The following MCPH1 variants were observed in gnomAD, a reference collection of about 807,000 sequenced individuals.
MCPH1 encodes microcephalin 1.
A neutral mutation model predicts 84.5 loss-of-function variants in MCPH1; 104 were observed. The ratio of observed to expected loss-of-function variants is 1.23; its 90% CI spans 1.05 to 1.45. The LOEUF is 1.45. Ranked by LOEUF, MCPH1 falls within the 40% of genes most tolerant of loss-of-function variation. The pLI, the probability that MCPH1 is intolerant of heterozygous loss-of-function variation, is 0.00. For synonymous variants in MCPH1, 514 were observed against 366.8 expected (o/e 1.40, Z -4.58); for missense variants, 1,498 against 1,005.7 (o/e 1.49, Z -6.62).
intron 9 of MCPH1, among the ~76,000 whole-genome samples, chr8:6,459,321 G>A (rs1481053216): frequency 1.3e-5 from 2 of 152,058 alleles, no homozygotes; most frequent in East Asian, 1.9e-4. Context: ...TGTCACCCAG[G>A]CTGGAGTGCA....
intron 13 of MCPH1, among the ~76,000 whole-genome samples, chr8:6,634,498 C>T (rs1341856354): frequency 6.6e-6 from 1 of 151,324 alleles, no homozygotes; most frequent in Non-Finnish European, 1.5e-5. Flanking sequence ...AATGACTGTG[C>T]AGTGCTGTGC....
At chr8:6,429,498 C>A (rs943490904) in intron 3 of MCPH1, among the ~76,000 whole-genome samples, 1 of 152,086 alleles carries the variant, frequency 6.6e-6, no homozygotes, top group African/African-American at 2.4e-5. Context: ...TGGACTCCTC[C>A]CCCGCCCCAG....
intron 12 of MCPH1, among the ~76,000 whole-genome samples, chr8:6,538,594 G>A (rs1396218476): frequency 2.0e-5 from 3 of 152,158 alleles, no homozygotes; most frequent in East Asian, 1.9e-4. Context: ...TACCACGGCC[G>A]CCTTTGTATC....
chr8:6,589,085 A>G (rs1828234008), intron 12 of MCPH1, among the ~76,000 whole-genome samples: 1 of 152,232 alleles, frequency 6.6e-6, no homozygotes, highest in Non-Finnish European at 1.5e-5. Context: ...AAACACCTGG[A>G]TGATGAATTG....
intron 12 of MCPH1, chr8:6,527,759 G>C: frequency 1.6e-6 from 2 of 1,260,954 alleles, no homozygotes; most frequent in Non-Finnish European, 1.1e-6. Context: ...AAGTACCCAA[G>C]CTACAGGAAA....
intron 12 of MCPH1, among the ~76,000 whole-genome samples, chr8:6,531,660 A>G (rs1232620064): frequency 6.6e-6 from 1 of 152,226 alleles, no homozygotes; most frequent in African/African-American, 2.4e-5. Flanking sequence ...CACAGTGGAA[A>G]GAGAACTTAG....
chr8:6,594,358 T>G (rs1354117686), intron 12 of MCPH1, among the ~76,000 whole-genome samples: 1 of 152,186 alleles, frequency 6.6e-6, no homozygotes, highest in East Asian at 1.9e-4. Context: ...GCTGTGGAAT[T>G]TTACTGGAGT....
chr8:6,527,460 A>G lies in MCPH1; in HGVS notation c.2214+27531A>G, dbSNP rs1818542211. 13 of 1,473,706 alleles carry G rather than the reference A, an allele frequency of 8.8e-6. No homozygotes were observed. In the South Asian group the frequency reaches 1.3e-4, roughly 14 times the overall value. 91.3% of individuals were successfully genotyped at this position (1,473,706 alleles called of 1,614,324 possible). On this transcript the variant is annotated intron_variant, in intron 12 of 13. Transcript: ENST00000344683. The stretch of plus-strand genomic sequence containing the variant: ...TCTGACCCTTACACTAGACATGAAG[A>G]AACTCACCATTCTGATAATTCATCA...
intron 12 of MCPH1, among the ~76,000 whole-genome samples, chr8:6,574,633 A>G (rs1211461934): frequency 1.3e-5 from 2 of 152,272 alleles, no homozygotes; most frequent in Non-Finnish European, 2.9e-5. Context: ...ACTTATAGAC[A>G]TGAAAAATAC....
At chr8:6,455,022 AT>A in intron 8 of MCPH1, 120 bp from the exon 9 acceptor site, 1 of 767,232 alleles carries the variant, frequency 1.3e-6, no homozygotes, top group Non-Finnish European at 2.3e-6. Context: ...GATATATACA[AT>A]TTATTTAAAA....
chr8:6,567,414 A>T (rs561399327), intron 12 of MCPH1, among the ~76,000 whole-genome samples: 2 of 152,276 alleles, frequency 1.3e-5, no homozygotes, highest in Admixed American at 1.3e-4. Context: ...CCGTGTGAAC[A>T]GGGGAGGACT....
intron 8 of MCPH1, among the ~76,000 whole-genome samples, chr8:6,450,965 C>A (rs1805018670): frequency 6.6e-6 from 1 of 152,176 alleles, no homozygotes; most frequent in African/African-American, 2.4e-5. Flanking sequence ...GCCTCTGCCT[C>A]CCAAAGTGCT....
At chr8:6,407,414 G>C (rs757438008) in intron 1 of MCPH1, among the ~76,000 whole-genome samples, 12 of 152,148 alleles carry the variant, frequency 7.9e-5, no homozygotes, top group Non-Finnish European at 1.8e-4. Context: ...TGTGTGGCTA[G>C]TCAGTGCTGA....
At chr8:6,606,717 G>A (rs1454330873) in intron 12 of MCPH1, among the ~76,000 whole-genome samples, 1 of 152,208 alleles carries the variant, frequency 6.6e-6, no homozygotes, top group African/African-American at 2.4e-5. Flanking sequence ...ATGCGGTTTG[G>A]CTATGTCCCC....
chr8:6,613,197 G>A (rs994803832), intron 12 of MCPH1, among the ~76,000 whole-genome samples: 2 of 152,144 alleles, frequency 1.3e-5, no homozygotes, highest in African/African-American at 4.8e-5. Context: ...GGGGAGCCAC[G>A]GCTGAGCGTG....
intron 12 of MCPH1, chr8:6,616,321 T>G (rs2129579989): frequency 6.6e-6 from 1 of 151,770 alleles, no homozygotes; most frequent in African/African-American, 2.4e-5. Flanking sequence ...CTGGAGTAAA[T>G]GAACCGTCAG....
intron 12 of MCPH1, among the ~76,000 whole-genome samples, chr8:6,506,240 G>C (rs781651530): frequency 2.6e-5 from 4 of 151,840 alleles, no homozygotes; most frequent in Non-Finnish European, 5.9e-5. Context: ...TCTGGAGCTT[G>C]TCCAACTAGA....
chr8:6,493,790 T>A (rs1402655271), intron 11 of MCPH1, among the ~76,000 whole-genome samples: 1 of 152,170 alleles, frequency 6.6e-6, no homozygotes, highest in Admixed American at 6.5e-5. Context: ...CCAATGATGT[T>A]AGTCACATGG....
chr8:6,485,225 T>C (rs775370800), intron 11 of MCPH1, among the ~76,000 whole-genome samples: 2 of 151,832 alleles, frequency 1.3e-5, no homozygotes, highest in South Asian at 4.2e-4. Flanking sequence ...CTCAGGAGGC[T>C]GAGGCAGGAG....
Sources: gnomAD v4.1 joint callset for allele counts (sites outside exome capture counted in the v4.1 genomes callset) on GRCh38, gnomAD v4.1.1 for gene constraint, MANE v1.5 for transcripts, NCBI Gene and HGNC (gene_info 2026-07-23, HGNC 2026-07-21) for gene names.